The following ZSWIM6 variants were observed in gnomAD, a reference collection of about 807,000 sequenced individuals.
ZSWIM6 encodes the protein zinc finger SWIM-type containing 6.
A neutral mutation model predicts 113.2 loss-of-function variants in ZSWIM6; 9 were observed. The observed-to-expected ratio is 0.08, with a 90% CI of 0.05 to 0.14. The LOEUF is 0.14. Ranked by LOEUF, ZSWIM6 falls within the 10% of genes least tolerant of loss-of-function variation. ZSWIM6 has a pLI of 1.00. For missense variants in ZSWIM6, 1,162 were observed against 1,552.2 expected, an observed-to-expected ratio of 0.75 and a Z score of 4.22; for synonymous variants, 611 against 606.5, an observed-to-expected ratio of 1.01 and a Z score of -0.11.
intron 1 of ZSWIM6, among the ~76,000 whole-genome samples, chr5:61,447,077 AAC>A (rs982086885): frequency 3.3e-5 from 5 of 152,100 alleles, no homozygotes; most frequent in African/African-American, 1.2e-4. Context: ...TCTGGGGCCA[AAC>A]ACAGCACAGA....
At chr5:61,453,456 G>C (rs1228405476) in intron 1 of ZSWIM6, among the ~76,000 whole-genome samples, 1 of 150,352 alleles carries the variant, frequency 6.7e-6, no homozygotes, top group African/African-American at 2.5e-5. Flanking sequence ...GCTCACTGCA[G>C]CCTGGACCTC....
intron 4 of ZSWIM6, among the ~76,000 whole-genome samples, chr5:61,502,222 A>G (rs1487984647): frequency 6.6e-6 from 1 of 152,192 alleles, no homozygotes; most frequent in Non-Finnish European, 1.5e-5. Context: ...CAGGAAGGAA[A>G]GAAGTGGAAG....
intron 9 of ZSWIM6, among the ~76,000 whole-genome samples, chr5:61,533,160 A>C (rs1162849956): frequency 6.6e-6 from 1 of 152,240 alleles, no homozygotes; most frequent in South Asian, 2.1e-4. Flanking sequence ...TTGTTGACTC[A>C]TCTCTGCCTC....
At chr5:61,506,202 G>A (rs75674370) in intron 4 of ZSWIM6, among the ~76,000 whole-genome samples, 3,903 of 152,170 alleles carry the variant, frequency 0.026, 169 homozygotes, top group South Asian at 0.18. Flanking sequence ...GTATTCCCGA[G>A]GTTTTATTTT....
intron 1 of ZSWIM6, among the ~76,000 whole-genome samples, chr5:61,385,811 A>G (rs1360201005): frequency 2.0e-5 from 3 of 152,148 alleles, no homozygotes; most frequent in Non-Finnish European, 4.4e-5. Context: ...GATGATGTCC[A>G]CTGGCTCTCT....
At chr5:61,390,929 C>T (rs759907520) in intron 1 of ZSWIM6, 29 of 813,574 alleles carry the variant, frequency 3.6e-5, no homozygotes, top group Middle Eastern at 3.5e-4. Context: ...CAAAGGCCCC[C>T]AGAGGGTGGC....
At position 61,545,392 on chromosome 5, in the gene ZSWIM6, A is replaced by G. The variant is rs1280911591; in HGVS notation, c.*1075A>G. ...CACAGCCAGAGCAGCAAGCCTTAGC[A>G]TTAAGAATATACAATATGCCGGAAT... On this transcript the variant is annotated 3_prime_UTR_variant, in exon 14 of 14. Transcript: ENST00000252744. 1 of 152,172 alleles carries G rather than the reference A, an allele frequency of 6.6e-6. No individual in the cohort carries two copies. The highest frequency in any genetic ancestry group is 1.5e-5 in the Non-Finnish European group (1 of 68,030). The allele number at this position is 152,172 out of a possible 1,614,324, so 9.4% of individuals were successfully genotyped here. A position where few individuals can be genotyped will look rare whatever the true frequency, so the allele number is the denominator to read the frequency against.
At chr5:61,471,819 T>G (rs1321852094) in intron 1 of ZSWIM6, among the ~76,000 whole-genome samples, 1 of 152,126 alleles carries the variant, frequency 6.6e-6, no homozygotes, top group Non-Finnish European at 1.5e-5. Flanking sequence ...TGGTCCCTGG[T>G]GCGAAAAAGG....
At chr5:61,395,296 C>T (rs1745814960) in intron 1 of ZSWIM6, among the ~76,000 whole-genome samples, 2 of 151,852 alleles carry the variant, frequency 1.3e-5, no homozygotes, top group Admixed American at 1.3e-4. Context: ...GGTGGGGGGG[C>T]ACTGGGTGTG....
At position 61,544,542 on chromosome 5, in the gene ZSWIM6, T is replaced by C. The variant is rs1015251054; in HGVS notation, c.*225T>C. 1.8e-5 allele frequency: 4 copies of C among 226,382 alleles called. No individual in the cohort carries two copies. The highest frequency in any genetic ancestry group is 6.9e-5 in the African/African-American group (3 of 43,614). 14.0% of individuals were successfully genotyped at this position (226,382 alleles called of 1,614,324 possible). A position where few individuals can be genotyped will look rare whatever the true frequency, so the allele number is the denominator to read the frequency against. On this transcript the variant is annotated 3_prime_UTR_variant, in exon 14 of 14. Transcript: ENST00000252744. The stretch of plus-strand genomic sequence containing the variant: ...CCTTTATTTTATTATTTTTTTTAAT[T>C]TTTTTTTTCTGGTTTTGTATGAGAG...
At chr5:61,539,471 T>C in intron 11 of ZSWIM6, 125 bp from the exon 12 acceptor site, 1 of 1,170,460 alleles carries the variant, frequency 8.5e-7, no homozygotes, top group South Asian at 1.7e-5. Context: ...TAACTTGTGC[T>C]TTATGTTTTG....
chr5:61,468,093 T>C (rs1397921890), intron 1 of ZSWIM6, among the ~76,000 whole-genome samples: 1 of 152,190 alleles, frequency 6.6e-6, no homozygotes, highest in East Asian at 1.9e-4. Context: ...TCATTTTAAT[T>C]CCCCAAACAA....
intron 1 of ZSWIM6, among the ~76,000 whole-genome samples, chr5:61,449,203 A>AT (rs1158699633): frequency 2.6e-5 from 4 of 152,164 alleles, no homozygotes; most frequent in Admixed American, 6.5e-5. Context: ...TTGGTTTCTC[A>AT]TACTATTTCT....
At chr5:61,535,383 T>G in intron 9 of ZSWIM6, 101 bp from the exon 10 acceptor site, 2 of 1,332,610 alleles carry the variant, frequency 1.5e-6, no homozygotes, top group African/African-American at 1.5e-5. Flanking sequence ...AATTCTTATT[T>G]GTATATGTTA....
intron 1 of ZSWIM6, among the ~76,000 whole-genome samples, chr5:61,395,467 T>G (rs1745817662): frequency 6.6e-6 from 1 of 152,140 alleles, no homozygotes; most frequent in African/African-American, 2.4e-5. Flanking sequence ...TATCAGGGTG[T>G]CATGTTCGAA....
chr5:61,429,635 G>A (rs1746536483), intron 1 of ZSWIM6, among the ~76,000 whole-genome samples: 1 of 152,200 alleles, frequency 6.6e-6, no homozygotes, highest in Non-Finnish European at 1.5e-5. Flanking sequence ...GGTCAGGAAG[G>A]ATGGTGATAA....
At chr5:61,474,636 C>T (rs1212464422) in intron 2 of ZSWIM6, among the ~76,000 whole-genome samples, 1 of 152,192 alleles carries the variant, frequency 6.6e-6, no homozygotes, top group Non-Finnish European at 1.5e-5. Context: ...AGTAGCCACA[C>T]TGCAAGTGCT....
intron 1 of ZSWIM6, among the ~76,000 whole-genome samples, chr5:61,455,325 G>A (rs1747181995): frequency 6.6e-6 from 1 of 151,990 alleles, no homozygotes; most frequent in South Asian, 2.1e-4. Flanking sequence ...TTTCTATGTG[G>A]GGTGCAATTG....
At chr5:61,426,824 T>C (rs1746471562) in intron 1 of ZSWIM6, among the ~76,000 whole-genome samples, 1 of 152,010 alleles carries the variant, frequency 6.6e-6, no homozygotes. Context: ...TTTTTTTTTT[T>C]TTCTCATGAT....
Sources: allele counts gnomAD v4.1 joint callset (sites outside exome capture counted in the v4.1 genomes callset), GRCh38; gene constraint gnomAD v4.1.1; transcripts MANE v1.5; gene names NCBI Gene and HGNC (gene_info 2026-07-23, HGNC 2026-07-21).